The following PAG1 variants were observed in gnomAD, a reference collection of about 807,000 sequenced individuals.
PAG1 encodes phosphoprotein membrane anchor with glycosphingolipid microdomains 1.
A neutral mutation model predicts 31.7 loss-of-function variants in PAG1; 23 were observed. The observed-to-expected ratio is 0.73, with a 90% CI of 0.52 to 1.03. PAG1 has a LOEUF of 1.03. PAG1 is among the 50% of genes least tolerant of loss of function. The pLI is 0.00. For synonymous variants in PAG1, 214 were observed against 210.3 expected, an observed-to-expected ratio of 1.02 and a Z score of -0.15; for missense variants, 473 against 540.7, an observed-to-expected ratio of 0.87 and a Z score of 1.24.
rs1197764398 is a variant in PAG1 at position 80,984,929 on chromosome 8, A to C, written c.723T>G (p.Asn241Lys). The change falls in exon 7 of 9, where the codon AAT (asparagine) becomes AAG (lysine). Residue 241 changes from asparagine to lysine, a missense_variant. Physicochemically the swap from Asn to Lys is moderately conservative, Grantham distance 94 (BLOSUM62 0). Transcript: ENST00000220597. ...ATGAATTTCCAAGGATACTCTCTAC[A>C]TTAACACTTTGACGACATTTTTTGT... Reference protein sequence around the residue: ...DRNKKCRQSVNVESILGNSCD... With the variant: ...DRNKKCRQSVKVESILGNSCD... 3.1e-6 allele frequency: 5 copies of C among 1,614,004 alleles called. No homozygotes were observed. Among genetic ancestry groups the C allele is most frequent in the Admixed American group, 3.3e-5 (2 of 59,992 alleles).
At chr8:80,994,243 GT>G (rs1282531532) in intron 3 of PAG1, among the ~76,000 whole-genome samples, 1 of 152,130 alleles carries the variant, frequency 6.6e-6, no homozygotes, top group Non-Finnish European at 1.5e-5. Flanking sequence ...TTTATTCTGA[GT>G]ATGTTATGTA....
intron 1 of PAG1, among the ~76,000 whole-genome samples, chr8:81,102,832 T>C (rs1175874575): frequency 6.6e-6 from 1 of 152,208 alleles, no homozygotes; most frequent in African/African-American, 2.4e-5. Context: ...AGTAACATAA[T>C]AGCTGCTTTG....
Position 80,976,416 on chromosome 8 carries a change from G to T in PAG1, c.*128C>A. On this transcript the variant is annotated 3_prime_UTR_variant, in exon 9 of 9. Coordinates refer to ENST00000220597, the MANE Select transcript of PAG1 (RefSeq NM_018440.4). ...AACAACTGGGAGAACAGTCGACAGG[G>T]CCTCTCCAACCATCTTCAGGTGACT... The T allele has an allele frequency of 1.1e-6, 1 of 917,026 alleles. No homozygotes were observed. 56.8% of individuals were successfully genotyped at this position (917,026 alleles called of 1,614,324 possible).
intron 3 of PAG1, among the ~76,000 whole-genome samples, chr8:81,016,640 T>G (rs1808077075): frequency 6.6e-6 from 1 of 152,212 alleles, no homozygotes; most frequent in South Asian, 2.1e-4. Context: ...GAACTGAAGT[T>G]TTCTACCTGT....
chr8:81,063,913 T>A lies in PAG1; in HGVS notation c.-175+6199A>T, dbSNP rs115302015. Among the ~76,000 whole-genome samples the A allele has an allele frequency of 3.3e-3, 509 of 152,284 alleles. 2 individuals carry two copies. The highest frequency in any genetic ancestry group is 0.012 in the African/African-American group (495 of 41,548). On this transcript the variant is annotated intron_variant, in intron 2 of 8. Coordinates refer to ENST00000220597, the MANE Select transcript of PAG1 (RefSeq NM_018440.4). Reference sequence around the variant, plus strand: ...AGAGGAAATGAGGAGGAATTTGATCTAAGGGCAGGATTTATAGTAAGTACC... The same window carrying A: ...AGAGGAAATGAGGAGGAATTTGATCAAAGGGCAGGATTTATAGTAAGTACC...
chr8:81,056,491 T>C (rs1017855749), intron 2 of PAG1, among the ~76,000 whole-genome samples: 2 of 152,136 alleles, frequency 1.3e-5, no homozygotes, highest in African/African-American at 4.8e-5. Flanking sequence ...ATTTAATAAA[T>C]GGTGCTGGGA....
intron 2 of PAG1, among the ~76,000 whole-genome samples, chr8:81,048,586 C>T (rs756112199): frequency 6.6e-6 from 1 of 152,154 alleles, no homozygotes; most frequent in Non-Finnish European, 1.5e-5. Flanking sequence ...AACAAATAAA[C>T]CATGCCCTGC....
chr8:80,980,515 C>T, intron 7 of PAG1, 21 bp from the exon 8 acceptor site: 1 of 1,545,002 alleles, frequency 6.5e-7, no homozygotes, highest in Non-Finnish European at 8.9e-7. Flanking sequence ...AAACACAAGC[C>T]AAGGAAAGTA....
chr8:81,022,140 C>T (rs1420444983), intron 3 of PAG1, among the ~76,000 whole-genome samples: 2 of 152,172 alleles, frequency 1.3e-5, no homozygotes, highest in Non-Finnish European at 2.9e-5. Context: ...TAGGGAAATT[C>T]AAATGCTAAA....
intron 2 of PAG1, among the ~76,000 whole-genome samples, chr8:81,060,149 T>C (rs1808894585): frequency 6.6e-6 from 1 of 152,076 alleles, no homozygotes; most frequent in South Asian, 2.1e-4. Flanking sequence ...GATCAAAAAA[T>C]CAAAATTTTG....
At chr8:81,065,551 C>T (rs772921910) in intron 2 of PAG1, among the ~76,000 whole-genome samples, 2 of 152,116 alleles carry the variant, frequency 1.3e-5, no homozygotes, top group Non-Finnish European at 2.9e-5. Context: ...CTAGCTTTTA[C>T]GTCACCTGAC....
chr8:81,082,252 C>CA (rs748117144), intron 1 of PAG1, among the ~76,000 whole-genome samples: 4,295 of 47,352 alleles, frequency 0.091, 267 homozygotes, highest in African/African-American at 0.17. Context: ...GACTCTGTCT[C>CA]AAAAAAAAAA....
At chr8:81,090,651 A>G (rs901973191) in intron 1 of PAG1, among the ~76,000 whole-genome samples, 1 of 152,210 alleles carries the variant, frequency 6.6e-6, no homozygotes, top group Non-Finnish European at 1.5e-5. Flanking sequence ...TGGTTGGCCA[A>G]TCAGGATCAG....
chr8:81,004,740 A>G (rs920984), intron 3 of PAG1, among the ~76,000 whole-genome samples: 151,790 of 152,346 alleles, frequency 1, 75,622 homozygotes, highest in East Asian at 1. Flanking sequence ...TTAGCCTGGC[A>G]GCAGAGGCTC....
intron 6 of PAG1, among the ~76,000 whole-genome samples, chr8:80,985,638 A>T (rs1235263489): frequency 6.6e-6 from 1 of 152,166 alleles, no homozygotes; most frequent in Non-Finnish European, 1.5e-5. Context: ...ACTTTCCTTA[A>T]TGTCACTCCA....
intron 2 of PAG1, among the ~76,000 whole-genome samples, chr8:81,042,900 G>C (rs897572191): frequency 1.3e-5 from 2 of 152,118 alleles, no homozygotes; most frequent in Non-Finnish European, 2.9e-5. Flanking sequence ...ATTAATTTCT[G>C]CAACTGGCTC....
At chr8:81,070,773 T>C (rs1357726076) in intron 1 of PAG1, among the ~76,000 whole-genome samples, 2 of 152,248 alleles carry the variant, frequency 1.3e-5, no homozygotes, top group Non-Finnish European at 2.9e-5. Flanking sequence ...TGGCTTCTTA[T>C]GCTTAAAAAT....
intron 1 of PAG1, among the ~76,000 whole-genome samples, chr8:81,085,989 T>TG (rs1809347600): frequency 7.7e-6 from 1 of 130,412 alleles, no homozygotes; most frequent in Non-Finnish European, 1.6e-5. Flanking sequence ...TTTTTTTTTT[T>TG]TTTTTTTTTT....
chr8:81,095,811 A>G (rs75064963), intron 1 of PAG1, among the ~76,000 whole-genome samples: 5,513 of 152,288 alleles, frequency 0.036, 343 homozygotes, highest in African/African-American at 0.12. Flanking sequence ...CAAGGTTCTC[A>G]CACTATATGT....
Sources: gnomAD v4.1 joint callset for allele counts (sites outside exome capture counted in the v4.1 genomes callset) on GRCh38, gnomAD v4.1.1 for gene constraint, MANE v1.5 for transcripts, NCBI Gene and HGNC (gene_info 2026-07-23, HGNC 2026-07-21) for gene names.